The following NLGN1 variants were observed in gnomAD, a reference collection of about 807,000 sequenced individuals.
NLGN1 encodes neuroligin-1.
Under a neutral mutation model 65.5 loss-of-function variants are expected in NLGN1, and 12 were observed. The ratio of observed to expected loss-of-function variants is 0.18; its 90% CI spans 0.12 to 0.30. The LOEUF (loss-of-function observed/expected upper bound fraction) is 0.30. NLGN1 is among the 10% of genes least tolerant of loss of function. NLGN1 has a pLI of 1.00. For synonymous variants in NLGN1, 350 were observed against 359.5 expected (o/e 0.97, Z 0.30); for missense variants, 750 against 1,007.1 (o/e 0.74, Z 3.46).
exon 3 of NLGN1, chr3:173,604,280 A>T: frequency 3.2e-6 from 1 of 310,672 alleles, no homozygotes; most frequent in Middle Eastern, 9.6e-4. Context: ...TTTTTCTAGG[A>T]TATAGACCTG....
At chr3:173,405,147 G>C (rs1718401109) in intron 1 of NLGN1, among the ~76,000 whole-genome samples, 1 of 152,060 alleles carries the variant, frequency 6.6e-6, no homozygotes, top group African/African-American at 2.4e-5. Context: ...TAGTATGCAT[G>C]TGTTGATGAT....
At chr3:173,769,525 G>A (rs1440665643) in intron 3 of NLGN1, among the ~76,000 whole-genome samples, 1 of 152,186 alleles carries the variant, frequency 6.6e-6, no homozygotes, top group Non-Finnish European at 1.5e-5. Context: ...ACTCATGCAT[G>A]TGCCTGGGGT....
downstream of NLGN1, among the ~76,000 whole-genome samples, chr3:174,291,342 T>C (rs563966361): frequency 2.0e-5 from 3 of 151,140 alleles, no homozygotes; most frequent in East Asian, 5.9e-4. Flanking sequence ...ATTCAGGAAA[T>C]CTTTTACAAT....
At chr3:173,670,934 A>T (rs1403220202) in intron 3 of NLGN1, among the ~76,000 whole-genome samples, 1 of 152,230 alleles carries the variant, frequency 6.6e-6, no homozygotes, top group African/African-American at 2.4e-5. Flanking sequence ...ATGTACTCAA[A>T]TAAATTACCT....
chr3:174,087,014 A>G (rs1266475559), intron 4 of NLGN1, among the ~76,000 whole-genome samples: 1 of 152,160 alleles, frequency 6.6e-6, no homozygotes, highest in African/African-American at 2.4e-5. Flanking sequence ...GCAAACTAAT[A>G]CAGGAACAGA....
At chr3:174,220,507 C>T (rs1211715170) in intron 4 of NLGN1, among the ~76,000 whole-genome samples, 1 of 152,076 alleles carries the variant, frequency 6.6e-6, no homozygotes, top group East Asian at 1.9e-4. Flanking sequence ...GCTACACACA[C>T]ATACTTGAAG....
chr3:174,073,331 G>T (rs1029944146), intron 4 of NLGN1, among the ~76,000 whole-genome samples: 1 of 152,024 alleles, frequency 6.6e-6, no homozygotes, highest in South Asian at 2.1e-4. Flanking sequence ...TTAGCTAAGA[G>T]GTTATGCTGC....
chr3:173,540,120 G>A (rs933766472), intron 2 of NLGN1, among the ~76,000 whole-genome samples: 3 of 152,018 alleles, frequency 2.0e-5, no homozygotes, highest in Non-Finnish European at 2.9e-5. Context: ...CTCAGAAGAA[G>A]GGTAGTCATC....
At chr3:174,128,146 T>G (rs116368740) in intron 4 of NLGN1, among the ~76,000 whole-genome samples, 2,026 of 152,244 alleles carry the variant, frequency 0.013, 20 homozygotes, top group Middle Eastern at 0.024. Flanking sequence ...AATATGAAAT[T>G]TTTATTGGAA....
At chr3:173,837,454 T>C (rs1406176335) in intron 4 of NLGN1, among the ~76,000 whole-genome samples, 1 of 152,198 alleles carries the variant, frequency 6.6e-6, no homozygotes, top group Non-Finnish European at 1.5e-5. Context: ...GCAATCTGAA[T>C]TTTAATAGCA....
At chr3:174,261,794 C>T (rs2152859754) in intron 4 of NLGN1, among the ~76,000 whole-genome samples, 1 of 148,718 alleles carries the variant, frequency 6.7e-6, no homozygotes, top group East Asian at 2.1e-4. Context: ...AGTTTTTGCC[C>T]ATTCAGTATG....
chr3:174,183,231 C>T (rs1044577227), intron 4 of NLGN1, among the ~76,000 whole-genome samples: 1 of 152,160 alleles, frequency 6.6e-6, no homozygotes, highest in Non-Finnish European at 1.5e-5. Context: ...CTCCACAGGG[C>T]CTGCCTTCTC....
intron 1 of NLGN1, among the ~76,000 whole-genome samples, chr3:173,403,100 A>G (rs1269855653): frequency 6.6e-6 from 1 of 152,162 alleles, no homozygotes; most frequent in African/African-American, 2.4e-5. Flanking sequence ...CTTTGAATCC[A>G]TGGAATAAAT....
intron 4 of NLGN1, among the ~76,000 whole-genome samples, chr3:173,868,393 C>T (rs932646185): frequency 5.3e-5 from 8 of 152,068 alleles, no homozygotes; most frequent in Non-Finnish European, 1.2e-4. Flanking sequence ...GGTTTAGCCA[C>T]CCAGATAGTC....
intron 3 of NLGN1, among the ~76,000 whole-genome samples, chr3:173,715,029 T>C (rs559646914): frequency 2.0e-5 from 3 of 152,168 alleles, no homozygotes; most frequent in African/African-American, 7.2e-5. Context: ...GGCAACCGCT[T>C]TGGAGGTACG....
At position 174,022,545 on chromosome 3, in the gene NLGN1, T is replaced by C. The variant is rs60305037; in HGVS notation, c.646+214713T>C. Among the ~76,000 whole-genome samples the C allele has an allele frequency of 6.4e-4, 97 of 152,282 alleles. 1 individual carries two copies. Among genetic ancestry groups the C allele is most frequent in the East Asian group, 3.5e-3 (18 of 5,182 alleles). On this transcript the variant is annotated intron_variant, in intron 4 of 6. Transcript: ENST00000457714. ...GGAGTCAGTTGTTGAAACAATCCTA[T>C]TGACAAGTACTGTGATAGACAGAAC...
chr3:174,143,543 C>T (rs1424520708), intron 4 of NLGN1, among the ~76,000 whole-genome samples: 2 of 152,080 alleles, frequency 1.3e-5, no homozygotes, highest in African/African-American at 4.8e-5. Context: ...TGCTAAAAAG[C>T]AGCCAGCAAA....
intron 4 of NLGN1, among the ~76,000 whole-genome samples, chr3:173,866,872 G>T (rs1448910837): frequency 6.6e-6 from 1 of 152,108 alleles, no homozygotes; most frequent in African/African-American, 2.4e-5. Flanking sequence ...GGTTGAAATT[G>T]TTCCACAAAG....
intron 3 of NLGN1, among the ~76,000 whole-genome samples, chr3:173,637,146 T>G (rs1756723164): frequency 6.6e-6 from 1 of 152,096 alleles, no homozygotes; most frequent in Admixed American, 6.6e-5. Context: ...AACAAAAAAC[T>G]TGGTTGTATA....
Sources: allele counts gnomAD v4.1 joint callset (sites outside exome capture counted in the v4.1 genomes callset), GRCh38; gene constraint gnomAD v4.1.1; transcripts MANE v1.5; gene names NCBI Gene and HGNC (gene_info 2026-07-23, HGNC 2026-07-21).